Variants in SGSH observed in about 807,000 individuals in gnomAD.
SGSH encodes N-sulfoglucosamine sulfohydrolase.
In SGSH, 48 loss-of-function variants were observed where a neutral mutation model predicts 51.0. The observed-to-expected ratio is 0.94, with a 90% confidence interval of 0.75 to 1.20. The LOEUF is 1.20. SGSH is among the 50% of genes most tolerant of loss of function. SGSH has a pLI of 0.00. For synonymous variants in SGSH, 321 were observed against 313.4 expected (o/e 1.02, Z -0.26); for missense variants, 662 against 717.8 (o/e 0.92, Z 0.89).
rs1160469174 is a variant in SGSH, at chr17:80,210,319, G to A, written c.*133C>T. 13 of 1,441,910 alleles carry A rather than the reference G, an allele frequency of 9.0e-6. No individual in the cohort carries two copies. In the Admixed American group the frequency reaches 3.4e-4, roughly 38 times the overall value. The allele number at this position is 1,441,910 out of a possible 1,614,324, so 89.3% of individuals were successfully genotyped here. On this transcript the variant is annotated 3_prime_UTR_variant, in exon 8 of 8. Transcript: ENST00000326317. ...ATGGCAAGAGTGACCCCACAGGAAG[G>A]AAGAACCCTCCTTGGATGGGAGTGT...
intron 7 of SGSH, chr17:80,211,547 T>C (rs2041666746): frequency 3.7e-6 from 1 of 268,096 alleles, no homozygotes; most frequent in Non-Finnish European, 7.3e-6. Flanking sequence ...TGCACATCCA[T>C]AACATGGGAC....
At chr17:80,214,442 G>T in intron 4 of SGSH, 114 bp from the exon 5 acceptor site, 3 of 1,356,022 alleles carry the variant, frequency 2.2e-6, no homozygotes, top group Non-Finnish European at 3.0e-6. Flanking sequence ...GACCCTCACT[G>T]CCTCAGTTTC....
At chr17:80,215,242 C>T in intron 2 of SGSH, 104 bp from the exon 3 acceptor site, 1 of 827,808 alleles carries the variant, frequency 1.2e-6, no homozygotes, top group Non-Finnish European at 2.0e-6. Context: ...CTTCTCGGGG[C>T]CCTGATTTAG....
downstream of SGSH, chr17:80,205,602 G>C: frequency 1.3e-6 from 2 of 1,568,974 alleles, no homozygotes; most frequent in Non-Finnish European, 1.7e-6. Flanking sequence ...AGAGGTGTCC[G>C]GGGGCCGCTG....
chr17:80,215,306 G>A (rs1172684621), intron 2 of SGSH, among the ~76,000 whole-genome samples, 168 bp from the exon 3 acceptor site: 4 of 152,202 alleles, frequency 2.6e-5, no homozygotes, highest in African/African-American at 7.2e-5. Context: ...CTCCCTGCCC[G>A]ATAGGCCCAT....
Position 80,212,223 on chromosome 17 carries a change from G to A in SGSH, c.797C>T (p.Thr266Ile), listed in dbSNP as rs769121533. 5 of 1,613,286 alleles carry A rather than the reference G, an allele frequency of 3.1e-6. No homozygotes were observed. The highest frequency in any genetic ancestry group is 3.4e-6 in the Non-Finnish European group (4 of 1,179,960). ...ELRDAGVLND[T>I]LVIFTSDNGI... The stretch of plus-strand genomic sequence containing the variant: ...GTTGTCGGACGTGAAGATCACCAGT[G>A]TGTCGTTCAGGACACCGGCGTCACG... Residue 266 changes from threonine to isoleucine, a missense_variant, in exon 7 of 8, where the codon ACA (threonine) becomes ATA (isoleucine). Physicochemically the swap from Thr to Ile is moderately conservative, Grantham distance 89. Transcript: ENST00000326317. The surrounding 1 kb of genome is among the most constrained non-coding windows in gnomAD (Gnocchi z 5.9).
At chr17:80,201,506 A>G in the SGSH span, 1 of 539,912 alleles carries the variant, frequency 1.9e-6, no homozygotes, top group Non-Finnish European at 3.3e-6. The surrounding 1 kb of genome is among the most constrained non-coding windows in gnomAD (Gnocchi z 5.0). Context: ...CCCGATCTCG[A>G]CTGGGGAAGG....
At chr17:80,207,849 C>G (rs2041421517), downstream of SGSH, among the ~76,000 whole-genome samples, 1 of 151,726 alleles carries the variant, frequency 6.6e-6, no homozygotes, top group African/African-American at 2.4e-5. Context: ...CAATCTAATC[C>G]TTGTCGGCTA....
chr17:80,205,288 C>T (rs914985831), downstream of SGSH: 142 of 1,275,344 alleles, frequency 1.1e-4, no homozygotes, highest in Non-Finnish European at 1.5e-4. Context: ...CCTCCCCTTC[C>T]TCCCTCCTCC....
chr17:80,208,452 T>G, downstream of SGSH: 2 of 1,054,774 alleles, frequency 1.9e-6, no homozygotes, highest in South Asian at 1.8e-5. Context: ...CCTTGGCACA[T>G]GAGGCCGGCT....
downstream of SGSH, among the ~76,000 whole-genome samples, chr17:80,206,482 TG>T (rs2041316638): frequency 6.6e-6 from 1 of 151,434 alleles, no homozygotes; most frequent in Non-Finnish European, 1.5e-5. Flanking sequence ...AAATTAAAAG[TG>T]GGCCGGGTGC....
downstream of SGSH, chr17:80,207,792 C>G (rs2041417235): frequency 3.7e-6 from 1 of 267,282 alleles, no homozygotes; most frequent in East Asian, 6.6e-5. Context: ...AGAACCCCAC[C>G]CGGCCTCAGC....
chr17:80,214,407 C>A (rs2041806538), intron 4 of SGSH, 79 bp from the exon 5 acceptor site: 4 of 1,503,958 alleles, frequency 2.7e-6, no homozygotes, highest in Non-Finnish European at 3.6e-6. Context: ...TCTGCCTCCT[C>A]CTCTGTATCT....
chr17:80,211,766 C>G (rs557721330), intron 7 of SGSH: 4 of 458,914 alleles, frequency 8.7e-6, no homozygotes, highest in South Asian at 8.5e-5. Flanking sequence ...TGGATATTAA[C>G]AAGCATCCCA....
chr17:80,209,657 C>G lies in SGSH; in HGVS notation c.*795G>C. 1.0e-6 allele frequency: 1 copy of G among 983,582 alleles called. No individual in the cohort carries two copies. The allele number at this position is 983,582 out of a possible 1,614,324, so 60.9% of individuals were successfully genotyped here. A position where few individuals can be genotyped will look rare whatever the true frequency, so the allele number is the denominator to read the frequency against. On this transcript the variant is annotated 3_prime_UTR_variant, in exon 8 of 8. Coordinates refer to ENST00000326317, the MANE Select transcript of SGSH (RefSeq NM_000199.5). ...CGCCAGTGTCACCGAAGAATTAACC[C>G]AAGCCAGAGGACGGGCATCACCACC...
At chr17:80,208,277 A>C, downstream of SGSH, 3 of 1,598,856 alleles carry the variant, frequency 1.9e-6, no homozygotes, top group African/African-American at 4.0e-5. Flanking sequence ...CGGCCTGCTC[A>C]GCTGTGTCCG....
At chr17:80,218,559 T>C (rs7207000) in intron 1 of SGSH, among the ~76,000 whole-genome samples, 73,346 of 152,048 alleles carry the variant, frequency 0.48, 19,199 homozygotes, top group African/African-American at 0.69. Context: ...CACCTTCCAG[T>C]TGGGCTTCCA....
At chr17:80,202,402 C>T (rs371296759), downstream of SGSH, 12 of 1,612,350 alleles carry the variant, frequency 7.4e-6, no homozygotes, top group Non-Finnish European at 1.0e-5. Flanking sequence ...GCGCACGGCA[C>T]CATCCCCAAC....
At position 80,220,165 on chromosome 17, in the gene SGSH, G is replaced by A; in HGVS notation, c.88+61C>T. The A allele has an allele frequency of 3.2e-6, 4 of 1,264,140 alleles. No individual in the cohort carries two copies. In the South Asian group the frequency reaches 4.1e-5, roughly 13 times the overall value. The allele number at this position is 1,264,140 out of a possible 1,614,324, so 78.3% of individuals were successfully genotyped here. Reference sequence around the variant, plus strand: ...AGCATTGACCACGGGTGGGGAGGAGGCCAGTGGCCACTTCCCCGGGCCACC... The same window carrying A: ...AGCATTGACCACGGGTGGGGAGGAGACCAGTGGCCACTTCCCCGGGCCACC... On this transcript the variant is annotated intron_variant, in intron 1 of 7. Coordinates refer to ENST00000326317, the MANE Select transcript of SGSH (RefSeq NM_000199.5).
Sources: gnomAD v4.1 joint callset for allele counts (sites outside exome capture counted in the v4.1 genomes callset) on GRCh38, gnomAD v4.1.1 for gene constraint, Gnocchi (gnomAD v3.1) non-coding constraint, MANE v1.5 for transcripts, NCBI Gene and HGNC (gene_info 2026-07-23, HGNC 2026-07-21) for gene names.